Variants in MARCHF10 observed in about 807,000 individuals in gnomAD.
MARCHF10 encodes the protein membrane associated ring-CH-type finger 10.
A neutral mutation model predicts 76.2 loss-of-function variants in MARCHF10; 64 were observed. The observed-to-expected ratio is 0.84, with a 90% CI of 0.69 to 1.03. The LOEUF (loss-of-function observed/expected upper bound fraction) is 1.03. Among genes scored for constraint, MARCHF10 ranks in the 50% least tolerant of loss-of-function variants. The pLI is 0.00. For synonymous variants in MARCHF10, 340 were observed against 357.5 expected (o/e 0.95, Z 0.55); for missense variants, 875 against 958.0 (o/e 0.91, Z 1.14).
At chr17:62,722,785 G>C (rs1443370395) in intron 7 of MARCHF10, among the ~76,000 whole-genome samples, 188 bp from the exon 8 acceptor site, 4 of 152,006 alleles carry the variant, frequency 2.6e-5, no homozygotes, top group Non-Finnish European at 5.9e-5. Flanking sequence ...AATTTCCTTT[G>C]TAGTCATCTA....
Position 62,736,407 on chromosome 17 carries a change from T to C in MARCHF10, c.1461A>G (p.Val487=). The C allele has an allele frequency of 6.2e-7, 1 of 1,614,116 alleles. No individual in the cohort carries two copies. Among genetic ancestry groups the C allele is most frequent in the East Asian group, 2.2e-5 (1 of 44,874 alleles). Reference sequence around the variant, plus strand: ...CTGAAGTCGATGACATTGACAAGTCTACTGGAATATCATCTCTCAGAGCAG... The same window carrying C: ...CTGAAGTCGATGACATTGACAAGTCCACTGGAATATCATCTCTCAGAGCAG... ...MHSALRDDIP[V]DLSMSSTSVH... is the part of the protein sequence containing the mutation. The change falls in exon 6 of 11, where the codon GTA becomes GTG. Residue 487 remains valine, a synonymous_variant. Transcript: ENST00000311269.
intron 3 of MARCHF10, among the ~76,000 whole-genome samples, chr17:62,765,995 ACCAG>A (rs1475059472): frequency 2.7e-5 from 4 of 150,410 alleles, no homozygotes; most frequent in African/African-American, 7.4e-5. Context: ...GGAGTTTGAG[ACCAG>A]CCTGGGCAAC....
At chr17:62,773,310 G>A (rs2092482221) in intron 3 of MARCHF10, among the ~76,000 whole-genome samples, 1 of 152,166 alleles carries the variant, frequency 6.6e-6, no homozygotes, top group Non-Finnish European at 1.5e-5. Flanking sequence ...GTGAGGTCAA[G>A]CACAGTGAGG....
intron 2 of MARCHF10, among the ~76,000 whole-genome samples, chr17:62,791,986 C>T (rs775319880): frequency 2.6e-5 from 4 of 152,074 alleles, no homozygotes; most frequent in East Asian, 1.9e-4. Context: ...TGTCAGGATT[C>T]GGATGGCTAT....
At chr17:62,772,305 G>A (rs777591442) in intron 3 of MARCHF10, among the ~76,000 whole-genome samples, 1 of 152,144 alleles carries the variant, frequency 6.6e-6, no homozygotes, top group Non-Finnish European at 1.5e-5. Flanking sequence ...CTCTTTGTCT[G>A]TCGCCATGTA....
At chr17:62,764,693 T>C (rs2092288273) in intron 3 of MARCHF10, among the ~76,000 whole-genome samples, 1 of 152,182 alleles carries the variant, frequency 6.6e-6, no homozygotes, top group Non-Finnish European at 1.5e-5. Context: ...GCAGCTTGTA[T>C]AAATAGCATT....
At chr17:62,746,407 G>C (rs985834188) in intron 4 of MARCHF10, among the ~76,000 whole-genome samples, 1 of 152,048 alleles carries the variant, frequency 6.6e-6, no homozygotes, top group Non-Finnish European at 1.5e-5. Flanking sequence ...GATTAGACAT[G>C]ATTTTGCTGA....
chr17:62,757,997 T>C (rs991411054), intron 4 of MARCHF10, among the ~76,000 whole-genome samples: 10 of 152,280 alleles, frequency 6.6e-5, no homozygotes, highest in African/African-American at 2.4e-4. Context: ...ATCTAAACGG[T>C]TCCTTTTAAT....
In MARCHF10 at chr17:62,711,761, G is replaced by A. The variant is rs116619491; in HGVS notation, c.2215-417C>T. Among the ~76,000 whole-genome samples the A allele has an allele frequency of 4.5e-3, 686 of 152,280 alleles. 5 individuals carry two copies. Among genetic ancestry groups the A allele is most frequent in the African/African-American group, 0.016 (658 of 41,550 alleles). On this transcript the variant is annotated intron_variant, in intron 8 of 10. Transcript: ENST00000311269. This position sits in a 1 kb window ranked among gnomAD's most constrained non-coding sequence, Gnocchi z 4.4. ...AGCTCCAGTACAAGCTGGATGTGTCGGGTGCTACAACAGAGATGCACCAGG... is the reference window on the plus strand; with the variant it reads ...AGCTCCAGTACAAGCTGGATGTGTCAGGTGCTACAACAGAGATGCACCAGG...
chr17:62,773,973 A>G (rs2092497340), intron 3 of MARCHF10, among the ~76,000 whole-genome samples: 1 of 152,204 alleles, frequency 6.6e-6, no homozygotes, highest in Non-Finnish European at 1.5e-5. Flanking sequence ...AAAAGAAGAC[A>G]AAAGGACAAG....
At chr17:62,741,013 G>A (rs2091485031) in intron 5 of MARCHF10, among the ~76,000 whole-genome samples, 1 of 152,178 alleles carries the variant, frequency 6.6e-6, no homozygotes, top group Non-Finnish European at 1.5e-5. Context: ...AACCCGTTAT[G>A]CATCTGTCCT....
rs1162221701 is a variant in MARCHF10 at position 62,747,078 on chromosome 17, G to A, written c.383-2550C>T. ...TGAGTATGTCTTTTCTCTCCAACTA[G>A]CCTGCACGCTCCTTAAGAATGAGGA... On this transcript the variant is annotated intron_variant, in intron 4 of 10. Transcript: ENST00000311269. 3.7e-6 allele frequency: 3 copies of A among 813,266 alleles called. No individual in the cohort carries two copies. In the African/African-American group the frequency reaches 5.1e-5, roughly 14 times the overall value. The allele number at this position is 813,266 out of a possible 1,614,324, so 50.4% of individuals were successfully genotyped here.
rs538480345 is a variant in MARCHF10, at chr17:62,705,083, AC to A, written c.2371+455del. 19 of 1,043,010 alleles carry A rather than the reference AC, an allele frequency of 1.8e-5. No individual in the cohort carries two copies. In the East Asian group the frequency reaches 1.8e-3, roughly 100 times the overall value. 64.6% of individuals were successfully genotyped at this position (1,043,010 alleles called of 1,614,324 possible). ...TTTGTTCAACCTCTGAATTCAGCAG[AC>A]CCCAAATCCACCAAGGCCACTAGCT... On this transcript the variant is annotated intron_variant, in intron 10 of 10. Coordinates refer to ENST00000311269, the MANE Select transcript of MARCHF10 (RefSeq NM_152598.4).
intron 8 of MARCHF10, among the ~76,000 whole-genome samples, chr17:62,713,261 T>C (rs1252768990): frequency 2.6e-5 from 4 of 152,212 alleles, no homozygotes; most frequent in Non-Finnish European, 5.9e-5. Context: ...GCCAGCCAGC[T>C]TTTATGCTTG....
intron 2 of MARCHF10, among the ~76,000 whole-genome samples, chr17:62,792,662 A>AACC (rs201134139): frequency 2.2e-4 from 27 of 122,302 alleles, no homozygotes; most frequent in African/African-American, 8.4e-4. Flanking sequence ...CACAACCATC[A>AACC]ACCACCACCA....
chr17:62,711,712 G>C lies in MARCHF10; in HGVS notation c.2215-368C>G, dbSNP rs1051175435. Among the ~76,000 whole-genome samples the C allele has an allele frequency of 6.6e-6, 1 of 152,184 alleles. No individual in the cohort carries two copies. Among genetic ancestry groups the C allele is most frequent in the Admixed American group, 6.5e-5 (1 of 15,274 alleles). On this transcript the variant is annotated intron_variant, in intron 8 of 10. Transcript: ENST00000311269. The surrounding 1 kb of genome is among the most constrained non-coding windows in gnomAD (Gnocchi z 4.4). The stretch of plus-strand genomic sequence containing the variant: ...TGCTGGGAACCGATCACCTGGTGTG[G>C]GGGAGAGAGCTTCATCGGTAAACAG...
At chr17:62,746,726 TG>T in intron 4 of MARCHF10, 1 of 643,268 alleles carries the variant, frequency 1.6e-6, no homozygotes. Context: ...GGTCAGGACC[TG>T]GCCCCAAGGT....
chr17:62,716,878 A>G (rs2090232208), intron 8 of MARCHF10, among the ~76,000 whole-genome samples: 1 of 152,042 alleles, frequency 6.6e-6, no homozygotes. Context: ...CCAGAAAGGA[A>G]CCCATTTGCC....
chr17:62,757,952 T>C (rs2092093802), intron 4 of MARCHF10, among the ~76,000 whole-genome samples: 1 of 152,204 alleles, frequency 6.6e-6, no homozygotes, highest in Non-Finnish European at 1.5e-5. Context: ...CTGAAGTACA[T>C]CTGTATTAAT....
Sources: allele counts gnomAD v4.1 joint callset (sites outside exome capture counted in the v4.1 genomes callset), GRCh38; gene constraint gnomAD v4.1.1; non-coding constraint Gnocchi (gnomAD v3.1); transcripts MANE v1.5; gene names NCBI Gene and HGNC (gene_info 2026-07-23, HGNC 2026-07-21).